Variants in ZNF487 observed in about 807,000 individuals in gnomAD.
ZNF487 encodes the protein KRAB domain only 1.
ZNF487 carries 4 observed loss-of-function variants against 3.0 expected under a neutral mutation model. That is an observed-to-expected ratio of 1.35 (90% CI 0.66 to 3.08). The LOEUF (loss-of-function observed/expected upper bound fraction) is 3.08, where lower values mean the gene tolerates loss of function less well. Among genes scored for constraint, ZNF487 ranks in the 30% most tolerant of loss-of-function variants. ZNF487 has a pLI of 0.01. For synonymous variants in ZNF487, 55 were observed against 34.6 expected, an observed-to-expected ratio of 1.59 and a Z score of -2.06; for missense variants, 146 against 98.7, an observed-to-expected ratio of 1.48 and a Z score of -2.03.
At chr10:43,465,951 C>G (rs536919540) in intron 1 of ZNF487, among the ~76,000 whole-genome samples, 1 of 152,162 alleles carries the variant, frequency 6.6e-6, no homozygotes, top group African/African-American at 2.4e-5. Context: ...CTCGGGAGGC[C>G]GAGGCTGGGG....
At chr10:43,497,283 T>C in the ZNF487 span, among the ~76,000 whole-genome samples, 1 of 152,244 alleles carries the variant, frequency 6.6e-6, no homozygotes, top group East Asian at 1.9e-4. Context: ...TGGAGGAGAC[T>C]AAAATGTGGT....
At chr10:43,479,085 GTATATATATATACACACA>G (rs1434372010) in intron 3 of ZNF487, among the ~76,000 whole-genome samples, 2 of 133,196 alleles carry the variant, frequency 1.5e-5, no homozygotes, top group Admixed American at 8.6e-5. Flanking sequence ...ATGTATGTGT[GTATATATATATACACACA>G]TATATACACA....
chr10:43,503,338 T>G, the ZNF487 span, among the ~76,000 whole-genome samples: 3 of 152,198 alleles, frequency 2.0e-5, no homozygotes, highest in Non-Finnish European at 4.4e-5. Context: ...GAAAATATTT[T>G]TGTACAGCTA....
rs191238685 is a variant in ZNF487, at chr10:43,480,994, G to A, written c.131-435G>A. On this transcript the variant is annotated intron_variant, in intron 3 of 3. Transcript: ENST00000437590. ...TCCTGTTATAAGAACAGCCTGGGCC[G>A]GGTGCAGTGTCTCATGCCTGTAATC... is the stretch of plus-strand genomic sequence containing the variant. Among the ~76,000 whole-genome samples, 18 of 152,030 alleles carry A rather than the reference G, an allele frequency of 1.2e-4. No individual in the cohort carries two copies. The East Asian group carries it at 1.9e-3, about 16-fold the overall frequency.
the ZNF487 span, among the ~76,000 whole-genome samples, chr10:43,517,732 C>T: frequency 6.6e-6 from 1 of 152,220 alleles, no homozygotes; most frequent in African/African-American, 2.4e-5. Flanking sequence ...GCTACCAAAA[C>T]CTCCTTGATG....
downstream of ZNF487, among the ~76,000 whole-genome samples, chr10:43,483,485 C>T (rs57050417): frequency 6.2e-3 from 939 of 151,848 alleles, 9 homozygotes; most frequent in African/African-American, 0.018. Context: ...GGTGTCCACC[C>T]GCCTTGGCCT....
intron 1 of ZNF487, among the ~76,000 whole-genome samples, chr10:43,444,571 TTTTG>T (rs112238803): frequency 1.1e-4 from 17 of 151,994 alleles, no homozygotes; most frequent in East Asian, 9.6e-4. Context: ...GTTGTTCGTT[TTTTG>T]TTTGTTTGTT....
chr10:43,478,541 G>T (rs1238498839), intron 3 of ZNF487, among the ~76,000 whole-genome samples: 1 of 151,970 alleles, frequency 6.6e-6, no homozygotes, highest in Non-Finnish European at 1.5e-5. Context: ...CAACGAGAGC[G>T]AAACTCTGTC....
intron 3 of ZNF487, among the ~76,000 whole-genome samples, chr10:43,480,064 GCTTC>G (rs1314606439): frequency 5.3e-4 from 65 of 122,460 alleles, no homozygotes; most frequent in Admixed American, 1.9e-3. Context: ...TTTCTTCCTT[GCTTC>G]CTTCCTTCCT....
the ZNF487 span, among the ~76,000 whole-genome samples, chr10:43,520,435 G>A: frequency 1.3e-5 from 2 of 152,130 alleles, no homozygotes; most frequent in African/African-American, 4.8e-5. Context: ...TTTGTGTTTT[G>A]AAATAGCCTT....
intron 1 of ZNF487, among the ~76,000 whole-genome samples, chr10:43,465,637 G>A (rs1444691059): frequency 3.9e-5 from 6 of 152,060 alleles, no homozygotes; most frequent in Non-Finnish European, 5.9e-5. Flanking sequence ...GATGGCAGCC[G>A]GGAAGAGGCG....
At chr10:43,521,690 T>G in the ZNF487 span, among the ~76,000 whole-genome samples, 1 of 152,148 alleles carries the variant, frequency 6.6e-6, no homozygotes, top group Non-Finnish European at 1.5e-5. Context: ...GAATTTGTTG[T>G]CACAAAATCC....
At chr10:43,496,052 A>G in the ZNF487 span, 1 of 534,366 alleles carries the variant, frequency 1.9e-6, no homozygotes, top group Non-Finnish European at 3.8e-6. Flanking sequence ...TGTGGACTTC[A>G]CCCAGGAGGA....
intron 1 of ZNF487, among the ~76,000 whole-genome samples, chr10:43,475,095 G>C (rs532848386): frequency 2.6e-5 from 4 of 152,080 alleles, no homozygotes; most frequent in Non-Finnish European, 5.9e-5. Context: ...AAGACCCTGG[G>C]CAGATTCCCT....
At chr10:43,508,771 G>C in the ZNF487 span, among the ~76,000 whole-genome samples, 712 of 150,026 alleles carry the variant, frequency 4.7e-3, 4 homozygotes, top group Middle Eastern at 0.015. Context: ...GTTTGAACCT[G>C]GGAGGCGGAG....
chr10:43,498,672 G>T, the ZNF487 span, among the ~76,000 whole-genome samples: 4 of 151,974 alleles, frequency 2.6e-5, no homozygotes, highest in Non-Finnish European at 5.9e-5. Flanking sequence ...GCTGGGCGCA[G>T]TGGCTCACGC....
the ZNF487 span, among the ~76,000 whole-genome samples, chr10:43,506,020 C>A: frequency 3.3e-5 from 5 of 152,196 alleles, no homozygotes; most frequent in African/African-American, 9.6e-5. Context: ...TTTATGTTTG[C>A]CTGTGTGATT....
At chr10:43,485,493 C>A (rs1841463766), downstream of ZNF487, among the ~76,000 whole-genome samples, 1 of 152,110 alleles carries the variant, frequency 6.6e-6, no homozygotes, top group African/African-American at 2.4e-5. Flanking sequence ...TCTCTTTTTG[C>A]ACTCTGTATG....
intron 1 of ZNF487, among the ~76,000 whole-genome samples, chr10:43,455,252 C>A (rs905130104): frequency 5.9e-5 from 9 of 152,198 alleles, no homozygotes; most frequent in Admixed American, 5.9e-4. Context: ...ACCTCCTGAT[C>A]CGCCCGCCTC....
Sources: gnomAD v4.1 joint callset for allele counts (sites outside exome capture counted in the v4.1 genomes callset) on GRCh38, gnomAD v4.1.1 for gene constraint, MANE v1.5 for transcripts, NCBI Gene and HGNC (gene_info 2026-07-23, HGNC 2026-07-21) for gene names.